CLDN10: variants seen among roughly 807,000 people sequenced by gnomAD.
CLDN10 encodes the protein claudin 10.
Under a neutral mutation model 22.9 loss-of-function variants are expected in CLDN10, and 15 were observed. That is an observed-to-expected ratio of 0.65 (90% CI 0.44 to 1.01). The LOEUF is 1.01. Ranked by LOEUF, CLDN10 falls within the 50% of genes least tolerant of loss-of-function variation. The pLI is 0.00. For missense variants in CLDN10, 247 were observed against 287.8 expected, an observed-to-expected ratio of 0.86 and a Z score of 1.03; for synonymous variants, 114 against 111.4, an observed-to-expected ratio of 1.02 and a Z score of -0.15.
chr13:95,534,272 A>C (rs112374906), intron 1 of CLDN10, among the ~76,000 whole-genome samples: 77 of 152,356 alleles, frequency 5.1e-4, no homozygotes, highest in Non-Finnish European at 9.6e-4. Context: ...AATAGGAAAG[A>C]AAAAGAAGAA....
At chr13:95,445,772 T>A (rs2042369998) in intron 1 of CLDN10, among the ~76,000 whole-genome samples, 1 of 152,234 alleles carries the variant, frequency 6.6e-6, no homozygotes, top group South Asian at 2.1e-4. Flanking sequence ...AGCTGTGCTC[T>A]TTAGATGTCT....
intron 1 of CLDN10, among the ~76,000 whole-genome samples, chr13:95,531,064 G>A (rs1213348552): frequency 2.0e-5 from 3 of 151,948 alleles, no homozygotes; most frequent in Non-Finnish European, 2.9e-5. Context: ...GACTACAGGC[G>A]TGTGCCACCA....
At chr13:95,565,255 T>C (rs1246657163) in intron 3 of CLDN10, among the ~76,000 whole-genome samples, 1 of 152,230 alleles carries the variant, frequency 6.6e-6, no homozygotes, top group East Asian at 1.9e-4. Context: ...CCACTAACTT[T>C]CTGAATGTCC....
chr13:95,540,301 AAAATAAAT>A (rs57019843), intron 1 of CLDN10, among the ~76,000 whole-genome samples: 74,029 of 142,558 alleles, frequency 0.52, 19,766 homozygotes, highest in African/African-American at 0.63. Context: ...CTCTGTCTCA[AAAATAAAT>A]AAATAAATAA....
chr13:95,493,085 A>G (rs1350791413), intron 1 of CLDN10, among the ~76,000 whole-genome samples: 2 of 151,880 alleles, frequency 1.3e-5, no homozygotes, highest in Admixed American at 6.6e-5. Context: ...TCCTCTCAGG[A>G]TTGCTGGTTT....
chr13:95,474,806 C>G (rs897785066), intron 1 of CLDN10, among the ~76,000 whole-genome samples: 3 of 151,814 alleles, frequency 2.0e-5, no homozygotes, highest in Admixed American at 6.6e-5. Flanking sequence ...TTTTGGGAAG[C>G]TCATTCCAGG....
At chr13:95,486,488 A>C (rs956443197) in intron 1 of CLDN10, among the ~76,000 whole-genome samples, 6 of 144,240 alleles carry the variant, frequency 4.2e-5, no homozygotes, top group African/African-American at 7.8e-5. Flanking sequence ...GCACCACTGC[A>C]CTCCAGCCTG....
At chr13:95,498,552 G>A (rs558679405) in intron 1 of CLDN10, among the ~76,000 whole-genome samples, 6 of 151,990 alleles carry the variant, frequency 3.9e-5, no homozygotes, top group East Asian at 1.9e-4. Context: ...AAGCCACCAC[G>A]CCTGGCTGAT....
Position 95,523,739 on chromosome 13 carries a change from G to A in CLDN10, c.215-36393G>A, listed in dbSNP as rs896633996. ...TTACAGGAGCAAGCCACCAATGCCC[G>A]GCTTATTTACATTTTTGAAAGATAT... is the stretch of plus-strand genomic sequence containing the variant. On this transcript the variant is annotated intron_variant, in intron 1 of 4. Coordinates refer to the CLDN10 transcript ENST00000376873. Among the ~76,000 whole-genome samples, 4 of 152,188 alleles carry A rather than the reference G, an allele frequency of 2.6e-5. No homozygotes were observed. The East Asian group carries it at 7.7e-4, about 29-fold the overall frequency.
chr13:95,562,247 A>AT (rs1171597205), intron 3 of CLDN10, among the ~76,000 whole-genome samples: 3 of 151,894 alleles, frequency 2.0e-5, no homozygotes, highest in East Asian at 3.9e-4. Context: ...TAATTTTTAC[A>AT]TTTTTTAACG....
At chr13:95,500,069 C>G (rs1002225659) in intron 1 of CLDN10, among the ~76,000 whole-genome samples, 11 of 151,004 alleles carry the variant, frequency 7.3e-5, no homozygotes, top group African/African-American at 2.2e-4. Flanking sequence ...ATGTTCCCAC[C>G]CACCTACCAA....
intron 1 of CLDN10, among the ~76,000 whole-genome samples, chr13:95,511,457 G>T (rs2043097723): frequency 6.6e-6 from 1 of 151,998 alleles, no homozygotes; most frequent in South Asian, 2.1e-4. Context: ...TGAGAAACTT[G>T]AGTGATGTGA....
Position 95,479,823 on chromosome 13 carries a change from C to A in CLDN10, c.214+45776C>A, listed in dbSNP as rs906367722. On this transcript the variant is annotated intron_variant, in intron 1 of 4. Transcript: ENST00000376873. ...ACAGCACTGTCTGTATGTACAGCTC[C>A]TCCCACATCCCCTGCAAGAGTCCAG... 41 of 152,188 alleles carry A rather than the reference C, an allele frequency of 2.7e-4. 1 individual carries two copies. Among genetic ancestry groups the A allele is most frequent in the African/African-American group, 9.7e-4 (40 of 41,444 alleles). The allele number at this position is 152,188 out of a possible 1,614,324, so 9.4% of individuals were successfully genotyped here.
intron 1 of CLDN10, among the ~76,000 whole-genome samples, chr13:95,487,897 C>T (rs965898409): frequency 6.6e-6 from 1 of 152,032 alleles, no homozygotes; most frequent in Non-Finnish European, 1.5e-5. Context: ...AAGCTGGTCT[C>T]GAACCCCTGG....
chr13:95,564,557 T>C (rs189624761), intron 3 of CLDN10, among the ~76,000 whole-genome samples: 1 of 152,340 alleles, frequency 6.6e-6, no homozygotes, highest in Non-Finnish European at 1.5e-5. Flanking sequence ...CATGGTTTTG[T>C]TGTTCTTGCT....
intron 1 of CLDN10, among the ~76,000 whole-genome samples, chr13:95,516,615 C>T (rs926903980): frequency 2.0e-4 from 31 of 151,996 alleles, no homozygotes; most frequent in Admixed American, 1.6e-3. Context: ...TTTTAAAAAC[C>T]CTTAAAGACC....
At chr13:95,566,841 C>T (rs190768453) in intron 3 of CLDN10, among the ~76,000 whole-genome samples, 1 of 152,246 alleles carries the variant, frequency 6.6e-6, no homozygotes, top group East Asian at 1.9e-4. Context: ...TTACATATGG[C>T]TAGCCAGTTT....
chr13:95,487,616 ATG>A (rs1158248022), intron 1 of CLDN10, among the ~76,000 whole-genome samples: 9 of 152,210 alleles, frequency 5.9e-5, no homozygotes, highest in African/African-American at 2.2e-4. Context: ...CACATACTTC[ATG>A]AACTCATGGA....
rs563172630 is a variant in CLDN10 at position 95,451,427 on chromosome 13, T to G, written c.214+17380T>G. On this transcript the variant is annotated intron_variant, in intron 1 of 4. Transcript: ENST00000376873. Reference sequence around the variant, plus strand: ...TGTCTTCATAGGTCTCCCTGGCACTTGGTACTTCTGTTTTGTTTTTAGAGA... The same window carrying G: ...TGTCTTCATAGGTCTCCCTGGCACTGGGTACTTCTGTTTTGTTTTTAGAGA... 5.1e-4 allele frequency among the ~76,000 whole-genome samples: 77 copies of G among 152,320 alleles called. 1 individual carries two copies. Among genetic ancestry groups the G allele is most frequent in the South Asian group, 1.7e-3 (8 of 4,828 alleles).
Sources: gnomAD v4.1 joint callset for allele counts (sites outside exome capture counted in the v4.1 genomes callset) on GRCh38, gnomAD v4.1.1 for gene constraint, MANE v1.5 for transcripts, NCBI Gene and HGNC (gene_info 2026-07-23, HGNC 2026-07-21) for gene names.